The following RPSA2 variants were observed in gnomAD, a reference collection of about 807,000 sequenced individuals.
RPSA2 encodes the protein small ribosomal subunit protein uS2B.
chr19:23,864,283 T>G, the RPSA2 span, among the ~76,000 whole-genome samples: 1 of 152,248 alleles, frequency 6.6e-6, no homozygotes, highest in Non-Finnish European at 1.5e-5. Context: ...AATTACTTCT[T>G]AAGTAAACTC....
At chr19:23,834,984 C>A in the RPSA2 span, among the ~76,000 whole-genome samples, 31 of 152,028 alleles carry the variant, frequency 2.0e-4, no homozygotes, top group African/African-American at 7.5e-4. Flanking sequence ...TATTTTAATA[C>A]AGGAATACAA....
At chr19:23,765,557 T>C in the RPSA2 span, among the ~76,000 whole-genome samples, 6 of 152,204 alleles carry the variant, frequency 3.9e-5, no homozygotes, top group Non-Finnish European at 8.8e-5. Flanking sequence ...AAATACCACA[T>C]GTTCTCATTA....
At chr19:23,771,643 C>CGT in the RPSA2 span, among the ~76,000 whole-genome samples, 1 of 152,024 alleles carries the variant, frequency 6.6e-6, no homozygotes, top group Non-Finnish European at 1.5e-5. Context: ...TTCTTTTGTC[C>CGT]TAGTGCTTTT....
the RPSA2 span, among the ~76,000 whole-genome samples, chr19:23,776,693 T>C: frequency 1.3e-5 from 2 of 152,164 alleles, no homozygotes; most frequent in Non-Finnish European, 2.9e-5. Flanking sequence ...TCTTTTAGGC[T>C]CCACCTGCTG....
chr19:23,814,427 T>C, the RPSA2 span, among the ~76,000 whole-genome samples: 4 of 152,216 alleles, frequency 2.6e-5, no homozygotes, highest in Non-Finnish European at 4.4e-5. Flanking sequence ...GGGTTATTTC[T>C]GGGCTCTCTG....
chr19:23,838,627 G>A, the RPSA2 span, among the ~76,000 whole-genome samples: 74 of 152,026 alleles, frequency 4.9e-4, no homozygotes, highest in African/African-American at 1.8e-3. Flanking sequence ...AATTCTTCCT[G>A]TTTTAAGCTA....
At chr19:23,846,317 T>C in the RPSA2 span, among the ~76,000 whole-genome samples, 1 of 11,908 alleles carries the variant, frequency 8.4e-5, no homozygotes, top group East Asian at 5.2e-3. Context: ...ATATTCAAGA[T>C]TATATTAATA....
the RPSA2 span, among the ~76,000 whole-genome samples, chr19:23,824,599 T>TTTTTTTTTTTTTTTTTA: frequency 7.0e-6 from 1 of 142,112 alleles, no homozygotes; most frequent in African/African-American, 2.6e-5. Flanking sequence ...TTTTTTTTTT[T>TTTTTTTTTTTTTTTTTA]GCAGAGTCTC....
At chr19:23,843,819 G>A in the RPSA2 span, among the ~76,000 whole-genome samples, 1 of 152,076 alleles carries the variant, frequency 6.6e-6, no homozygotes, top group Non-Finnish European at 1.5e-5. Context: ...GAGTGCAATG[G>A]CATGGTCTCA....
chr19:23,800,518 G>C, the RPSA2 span, among the ~76,000 whole-genome samples: 1 of 152,154 alleles, frequency 6.6e-6, no homozygotes, highest in African/African-American at 2.4e-5. Flanking sequence ...AGTGCATACT[G>C]TCACCTAAAT....
the RPSA2 span, among the ~76,000 whole-genome samples, chr19:23,772,952 C>T: frequency 3.9e-5 from 6 of 152,156 alleles, no homozygotes; most frequent in African/African-American, 1.4e-4. Flanking sequence ...TAAATTGTGA[C>T]TCTCATTTAT....
At chr19:23,856,498 C>G in the RPSA2 span, among the ~76,000 whole-genome samples, 1 of 152,122 alleles carries the variant, frequency 6.6e-6, no homozygotes, top group Non-Finnish European at 1.5e-5. Flanking sequence ...ACAGACAACT[C>G]ACCAATCATC....
the RPSA2 span, among the ~76,000 whole-genome samples, chr19:23,850,926 A>G: frequency 6.6e-6 from 1 of 152,158 alleles, no homozygotes; most frequent in African/African-American, 2.4e-5. Flanking sequence ...CCGTTCCACA[A>G]CAGCCTGTCC....
chr19:23,849,896 T>G, the RPSA2 span, among the ~76,000 whole-genome samples: 8 of 152,148 alleles, frequency 5.3e-5, no homozygotes, highest in Non-Finnish European at 1.0e-4. Context: ...ATTGAAAGTA[T>G]GGGGTATCTC....
the RPSA2 span, among the ~76,000 whole-genome samples, chr19:23,870,307 A>G: frequency 1.3e-5 from 2 of 152,354 alleles, no homozygotes; most frequent in South Asian, 4.1e-4. Context: ...TAAAATTAAC[A>G]CTGAGTTACA....
the RPSA2 span, among the ~76,000 whole-genome samples, chr19:23,767,859 C>T: frequency 2.0e-5 from 3 of 146,946 alleles, no homozygotes; most frequent in Non-Finnish European, 4.4e-5. Context: ...CTCCGCCTCC[C>T]GGGTTCAAGC....
the RPSA2 span, among the ~76,000 whole-genome samples, chr19:23,847,266 AATTT>A: frequency 1.3e-5 from 2 of 150,894 alleles, no homozygotes; most frequent in Non-Finnish European, 2.9e-5. Flanking sequence ...TCATACTCTA[AATTT>A]ATTTATTTAT....
the RPSA2 span, among the ~76,000 whole-genome samples, chr19:23,821,470 G>A: frequency 2.0e-5 from 3 of 152,190 alleles, no homozygotes; most frequent in Non-Finnish European, 4.4e-5. Flanking sequence ...GCCTTTTCCT[G>A]GTCTGCCTCC....
the RPSA2 span, among the ~76,000 whole-genome samples, chr19:23,761,739 T>G: frequency 6.6e-6 from 1 of 151,712 alleles, no homozygotes; most frequent in African/African-American, 2.4e-5. Flanking sequence ...CCATGTTCAA[T>G]TAGAAAATTA....
Sources: gnomAD v4.1 joint callset for allele counts (sites outside exome capture counted in the v4.1 genomes callset) on GRCh38, gnomAD v4.1.1 for gene constraint, MANE v1.5 for transcripts, NCBI Gene and HGNC (gene_info 2026-07-23, HGNC 2026-07-21) for gene names.